Variants in ABCC12 observed in about 807,000 individuals in gnomAD.
ABCC12 encodes the protein ATP-binding cassette sub-family C member 12.
In ABCC12, 142 loss-of-function variants were observed where a neutral mutation model predicts 151.1. The ratio of observed to expected loss-of-function variants is 0.94; its 90% CI spans 0.82 to 1.08. ABCC12 has a LOEUF of 1.08. Among genes scored for constraint, ABCC12 ranks in the 50% least tolerant of loss-of-function variants. The probability of loss-of-function intolerance (pLI) is 0.00; values close to 1 mark genes in which losing one functional copy is unlikely to be tolerated. For missense variants in ABCC12, 1,638 were observed against 1,691.1 expected, an observed-to-expected ratio of 0.97 and a Z score of 0.55; for synonymous variants, 645 against 646.4, an observed-to-expected ratio of 1.00 and a Z score of 0.03.
rs371541416 is a variant in ABCC12, at chr16:48,103,962, CAGGGTTGCTCTG to C, written c.2900+168_2900+179del. On this transcript the variant is annotated intron_variant, in intron 22 of 30. Coordinates refer to ENST00000311303, the MANE Select transcript of ABCC12 (RefSeq NM_001393797.1). The stretch of plus-strand genomic sequence containing the variant: ...TAATCTTTCAATAGTTTCCACCTCT[CAGGGTTGCTCTG>C]GGGCTAAAATGCCAGATGTATGCAA... 6.4e-4 allele frequency among the ~76,000 whole-genome samples: 98 copies of C among 152,340 alleles called. 1 individual carries two copies. The highest frequency in any genetic ancestry group is 2.3e-3 in the African/African-American group (97 of 41,564).
chr16:48,096,907 A>C lies in ABCC12; in HGVS notation c.3039-5T>G. ...CAGTTAAAGTAGAGGAGGTGACTGGAGTTTTCGTCGTTTAGCGTCTTAAAC... is the reference window on the plus strand; with the variant it reads ...CAGTTAAAGTAGAGGAGGTGACTGGCGTTTTCGTCGTTTAGCGTCTTAAAC... On this transcript the variant is annotated splice_region_variant and splice_polypyrimidine_tract_variant and intron_variant, in intron 23 of 30. Coordinates refer to ENST00000311303, the MANE Select transcript of ABCC12 (RefSeq NM_001393797.1). 6 of 1,614,136 alleles carry C rather than the reference A, an allele frequency of 3.7e-6. No homozygotes were observed. Among genetic ancestry groups the C allele is most frequent in the Non-Finnish European group, 5.1e-6 (6 of 1,180,046 alleles).
In ABCC12 at chr16:48,115,530, A is replaced by G. The variant is rs1963849689; in HGVS notation, c.1874T>C (p.Leu625Pro). 1 of 1,614,104 alleles carries G rather than the reference A, an allele frequency of 6.2e-7. No homozygotes were observed. The highest frequency in any genetic ancestry group is 1.3e-5 in the African/African-American group (1 of 74,942). Residue 625 changes from leucine (L) to proline (P), a missense_variant, in exon 15 of 31, where the codon CTG becomes CCG. Leu to Pro is a moderately conservative substitution (Grantham distance 98, BLOSUM62 -3). Transcript: ENST00000311303. ...CACGGCCGACAGGGGGTCGTCCAGCAGGTAGAGCTGACGGTCGGAGTAGAC... is the reference window on the plus strand; with the variant it reads ...CACGGCCGACAGGGGGTCGTCCAGCGGGTAGAGCTGACGGTCGGAGTAGAC... ...RAVYSDRQLY[L>P]LDDPLSAVDA...
intron 8 of ABCC12, among the ~76,000 whole-genome samples, chr16:48,135,516 G>A (rs1315118360): frequency 1.3e-5 from 2 of 151,962 alleles, no homozygotes; most frequent in African/African-American, 2.4e-5. Context: ...GAGTACCTGA[G>A]ACCACAGGCA....
intron 24 of ABCC12, among the ~76,000 whole-genome samples, chr16:48,092,915 G>A (rs1243145057): frequency 6.6e-6 from 1 of 152,194 alleles, no homozygotes; most frequent in South Asian, 2.1e-4. Context: ...GGCAGGGGGT[G>A]CGAGCAGGCG....
At position 48,103,492 on chromosome 16, in the gene ABCC12, T is replaced by C. The variant is rs528548721; in HGVS notation, c.2900+650A>G. Among the ~76,000 whole-genome samples the C allele has an allele frequency of 1.7e-3, 254 of 152,348 alleles. 1 individual carries two copies. The highest frequency in any genetic ancestry group is 5.7e-3 in the African/African-American group (237 of 41,576). On this transcript the variant is annotated intron_variant, in intron 22 of 30. Transcript: ENST00000311303. ...ACAGGTGAGGCATATATTTCAATGATTACCATTAAGGAGAGAGGAAACTGA... is the reference window on the plus strand; with the variant it reads ...ACAGGTGAGGCATATATTTCAATGACTACCATTAAGGAGAGAGGAAACTGA...
At chr16:48,116,547 C>A (rs1963890409) in intron 14 of ABCC12, among the ~76,000 whole-genome samples, 1 of 152,112 alleles carries the variant, frequency 6.6e-6, no homozygotes, top group African/African-American at 2.4e-5. Flanking sequence ...CTTTGGCAGG[C>A]AGGTAGGAGC....
intron 2 of ABCC12, among the ~76,000 whole-genome samples, chr16:48,150,009 T>G (rs1280838625): frequency 6.6e-6 from 1 of 152,258 alleles, no homozygotes; most frequent in African/African-American, 2.4e-5. Context: ...TAACTAATTT[T>G]TAAAGCAATT....
intron 23 of ABCC12, among the ~76,000 whole-genome samples, chr16:48,100,157 G>A (rs918785978): frequency 1.3e-5 from 2 of 151,866 alleles, no homozygotes; most frequent in African/African-American, 2.4e-5. Context: ...ATGGGGTTTC[G>A]TCATGTTGGC....
At chr16:48,086,066 T>C (rs927892208) in intron 28 of ABCC12, 1 of 221,562 alleles carries the variant, frequency 4.5e-6, no homozygotes, top group African/African-American at 2.3e-5. Flanking sequence ...TTCTGGACAT[T>C]AAGGAAGGGT....
In ABCC12 at chr16:48,143,933, G is replaced by A; in HGVS notation, c.252C>T (p.Asp84=). 1 of 1,614,192 alleles carries A rather than the reference G, an allele frequency of 6.2e-7. No homozygotes were observed. Among genetic ancestry groups the A allele is most frequent in the Non-Finnish European group, 8.5e-7 (1 of 1,180,010 alleles). ...ACCTTTTGGCATTGGTGTCAGATGA[G>A]TCATATGTCGACAATGGGGGCAGGG... ...VDTLPPLSTY[D]SSDTNAKRFR... Residue 84 remains aspartate (D), a synonymous_variant, in exon 4 of 31, where the codon GAC becomes GAT. Transcript: ENST00000311303.
In ABCC12 at chr16:48,128,556, C is replaced by T. The variant is rs753826287; in HGVS notation, c.1418G>A (p.Ser473Asn). 6.8e-6 allele frequency: 11 copies of T among 1,614,236 alleles called. No individual in the cohort carries two copies. The highest frequency in any genetic ancestry group is 5.5e-5 in the South Asian group (5 of 91,078). Reference sequence around the variant, plus strand: ...TCCCTTGGCTGGTGGACTCCTCTCACTGTATGCCTCTGACCTCTGTTTCTT... The same window carrying T: ...TCCCTTGGCTGGTGGACTCCTCTCATTGTATGCCTCTGACCTCTGTTTCTT... ...LCKKQRSEAY[S>N]ERSPPAKGAT... Residue 473 changes from serine (S) to asparagine (N), a missense_variant, in exon 11 of 31, where the codon AGT becomes AAT. Physicochemically the swap from Ser to Asn is conservative, Grantham distance 46 (BLOSUM62 1). Coordinates refer to ENST00000311303, the MANE Select transcript of ABCC12 (RefSeq NM_001393797.1).
chr16:48,114,959 G>A (rs1396191752), intron 15 of ABCC12, among the ~76,000 whole-genome samples: 9 of 152,126 alleles, frequency 5.9e-5, no homozygotes, highest in South Asian at 2.1e-4. Flanking sequence ...TTTCCCCTGG[G>A]GTGTGATACC....
At chr16:48,101,920 A>T (rs8060648) in intron 22 of ABCC12, among the ~76,000 whole-genome samples, 74 of 152,284 alleles carry the variant, frequency 4.9e-4, no homozygotes, top group African/African-American at 1.6e-3. Flanking sequence ...GACTCTCAGA[A>T]ATTATTTGTA....
Position 48,088,050 on chromosome 16 carries a change from C to T in ABCC12, c.3511G>A (p.Val1171Met). Residue 1171 changes from valine to methionine, a missense_variant, in exon 27 of 31, where the codon GTG (valine) becomes ATG (methionine). Transcript: ENST00000311303. ...AAGATTGTGCCACTGGCTGGCTCCA[C>T]CAGACGAAACAAAGCCATTCCTAAC... The part of the protein sequence containing the change: ...SSLGMALFRL[V>M]EPASGTIFID... 1 of 1,614,158 alleles carries T rather than the reference C, an allele frequency of 6.2e-7. No homozygotes were observed. Among genetic ancestry groups the T allele is most frequent in the Non-Finnish European group, 8.5e-7 (1 of 1,180,010 alleles).
At chr16:48,135,933 C>T (rs1004529801) in intron 8 of ABCC12, among the ~76,000 whole-genome samples, 1 of 152,174 alleles carries the variant, frequency 6.6e-6, no homozygotes. Context: ...CATATCCACA[C>T]AGGACAGCTC....
Position 48,082,176 on chromosome 16 carries a change from CCTT to C in ABCC12, c.*1536_*1538del. On this transcript the variant is annotated 3_prime_UTR_variant, in exon 31 of 31. Transcript: ENST00000311303. ...ACAGAAGGAACCCCCTGGCTCACGT[CCTT>C]CTCAGCCACATGTCTTAGTGCACCC... Among the ~76,000 whole-genome samples the C allele has an allele frequency of 6.6e-6, 1 of 152,328 alleles. No homozygotes were observed. Among genetic ancestry groups the C allele is most frequent in the East Asian group, 1.9e-4 (1 of 5,180 alleles).
At chr16:48,107,563 G>T in intron 19 of ABCC12, 138 bp from the exon 20 acceptor site, 1 of 676,170 alleles carries the variant, frequency 1.5e-6, no homozygotes, top group Non-Finnish European at 2.6e-6. Flanking sequence ...CCACCTGCTA[G>T]ACTGATGCAG....
intron 3 of ABCC12, among the ~76,000 whole-genome samples, chr16:48,144,672 A>G (rs1293789357): frequency 6.6e-6 from 1 of 152,026 alleles, no homozygotes; most frequent in Non-Finnish European, 1.5e-5. Context: ...CTCCTTCCCT[A>G]CATCACTCTC....
At chr16:48,124,879 C>T (rs1252492123) in intron 11 of ABCC12, among the ~76,000 whole-genome samples, 32 of 152,230 alleles carry the variant, frequency 2.1e-4, no homozygotes. Flanking sequence ...TGAGTCTACC[C>T]TCATAGAACT....
Sources: gnomAD v4.1 joint callset for allele counts (sites outside exome capture counted in the v4.1 genomes callset) on GRCh38, gnomAD v4.1.1 for gene constraint, MANE v1.5 for transcripts, NCBI Gene and HGNC (gene_info 2026-07-23, HGNC 2026-07-21) for gene names.